The following FBXO36 variants were observed in gnomAD, a reference collection of about 807,000 sequenced individuals.
The protein encoded by FBXO36 is F-box protein 36, also known as F-box only protein 36.
Under a neutral mutation model 17.0 loss-of-function variants are expected in FBXO36, and 18 were observed. That is an observed-to-expected ratio of 1.06 (90% CI 0.73 to 1.57). The LOEUF is 1.57. FBXO36 is among the 40% of genes most tolerant of loss of function. The pLI, the probability that FBXO36 is intolerant of heterozygous loss-of-function variation, is 0.00. For missense variants in FBXO36, 229 were observed against 221.9 expected (o/e 1.03, Z -0.20); for synonymous variants, 83 against 85.3 (o/e 0.97, Z 0.15).
At chr2:230,003,451 G>A (rs561973363) in intron 3 of FBXO36, among the ~76,000 whole-genome samples, 10 of 151,768 alleles carry the variant, frequency 6.6e-5, no homozygotes, top group Non-Finnish European at 1.0e-4. Context: ...TTTTCCCCTC[G>A]GTCCATGCCT....
At chr2:230,010,614 C>A in intron 3 of FBXO36, 82 bp from the exon 4 acceptor site, 1 of 1,289,908 alleles carries the variant, frequency 7.8e-7, no homozygotes, top group Non-Finnish European at 1.1e-6. Context: ...AGTGTTTCTC[C>A]AGTGTCCCAC....
chr2:229,932,549 G>A (rs567649045), intron 1 of FBXO36, among the ~76,000 whole-genome samples: 94 of 151,958 alleles, frequency 6.2e-4, no homozygotes, highest in Non-Finnish European at 9.6e-4. Context: ...ATATGGTGGC[G>A]CACTTGTAAT....
At chr2:229,972,287 C>T (rs1265874054) in intron 1 of FBXO36, among the ~76,000 whole-genome samples, 1 of 152,092 alleles carries the variant, frequency 6.6e-6, no homozygotes, top group Non-Finnish European at 1.5e-5. Flanking sequence ...CATGAGCCAC[C>T]GTGCCCGGCC....
At chr2:229,945,860 G>GA (rs2077024260) in intron 1 of FBXO36, among the ~76,000 whole-genome samples, 1 of 151,298 alleles carries the variant, frequency 6.6e-6, no homozygotes, top group African/African-American at 2.4e-5. Context: ...CTGTCTCTAC[G>GA]AAAAATACAA....
At chr2:229,944,001 C>G (rs1230763868) in intron 1 of FBXO36, among the ~76,000 whole-genome samples, 1 of 152,150 alleles carries the variant, frequency 6.6e-6, no homozygotes, top group East Asian at 1.9e-4. Flanking sequence ...CCTCCCCCTT[C>G]TCTCTGTCTT....
intron 2 of FBXO36, among the ~76,000 whole-genome samples, chr2:229,981,655 T>C (rs1427644443): frequency 6.9e-6 from 1 of 144,204 alleles, no homozygotes; most frequent in African/African-American, 2.6e-5. Flanking sequence ...TGCGCTGTGA[T>C]TGTGCCACTA....
At chr2:229,926,125 TAAAAAA>T (rs34162848) in intron 1 of FBXO36, among the ~76,000 whole-genome samples, 2 of 103,454 alleles carry the variant, frequency 1.9e-5, no homozygotes, top group East Asian at 5.7e-4. Context: ...CCCCTTCTCT[TAAAAAA>T]AAAAAAAAAA....
chr2:229,955,714 T>C (rs1299800176), intron 1 of FBXO36, among the ~76,000 whole-genome samples: 2 of 152,170 alleles, frequency 1.3e-5, no homozygotes, highest in Non-Finnish European at 2.9e-5. Context: ...TCCTATCAAA[T>C]TTAAGTACAA....
intron 2 of FBXO36, among the ~76,000 whole-genome samples, chr2:229,984,019 T>A (rs1299388692): frequency 6.6e-6 from 1 of 152,232 alleles, no homozygotes; most frequent in Non-Finnish European, 1.5e-5. Context: ...TCATTTGTAT[T>A]TGAATTCTTT....
At chr2:229,962,545 T>TTTATC (rs1288670867) in intron 1 of FBXO36, among the ~76,000 whole-genome samples, 1 of 150,378 alleles carries the variant, frequency 6.6e-6, no homozygotes, top group African/African-American at 2.5e-5. Flanking sequence ...TTTATTTTAT[T>TTTATC]TTATTGTAGA....
chr2:229,995,153 A>C (rs1341859154), intron 2 of FBXO36, among the ~76,000 whole-genome samples: 2 of 152,200 alleles, frequency 1.3e-5, no homozygotes, highest in African/African-American at 2.4e-5. Flanking sequence ...ATATTTAAAA[A>C]AATTACACTG....
At chr2:229,940,223 A>T (rs1263865519) in intron 1 of FBXO36, among the ~76,000 whole-genome samples, 1 of 152,186 alleles carries the variant, frequency 6.6e-6, no homozygotes, top group Non-Finnish European at 1.5e-5. Flanking sequence ...TATATAAGTG[A>T]AATAATTATT....
intron 2 of FBXO36, among the ~76,000 whole-genome samples, chr2:229,979,350 G>GTATATA (rs553270363): frequency 6.7e-5 from 10 of 148,852 alleles, no homozygotes; most frequent in African/African-American, 2.5e-4. Context: ...TAGTGTGTGT[G>GTATATA]TATATATATA....
At chr2:230,005,644 ACATTCATTCATT>A (rs539011554) in intron 3 of FBXO36, among the ~76,000 whole-genome samples, 1 of 152,218 alleles carries the variant, frequency 6.6e-6, no homozygotes. Context: ...ACAGACTATA[ACATTCATTCATT>A]CATTCATTTA....
In FBXO36 at chr2:230,010,709, A is replaced by G; in HGVS notation, c.392A>G (p.Asp131Gly). The change falls in exon 4 of 4, where the codon GAT becomes GGT. Residue 131 changes from aspartate to glycine, a missense_variant. Transcript: ENST00000283946. ...SHRFAKLCMS[D>G]KLWEQIVQST... ...TCCCACCCACAGCTGTGCATGTCTG[A>G]TAAACTGTGGGAACAGATAGTCCAG... 1 of 1,611,134 alleles carries G rather than the reference A, an allele frequency of 6.2e-7. No individual in the cohort carries two copies. The highest frequency in any genetic ancestry group is 1.1e-5 in the South Asian group (1 of 90,860).
At chr2:229,965,113 T>G (rs552143151) in intron 1 of FBXO36, among the ~76,000 whole-genome samples, 29 of 151,702 alleles carry the variant, frequency 1.9e-4, no homozygotes, top group Middle Eastern at 3.4e-3. Flanking sequence ...TATGGTCTGA[T>G]TTTTTAATAC....
chr2:229,936,496 AAGAT>A (rs1560431450), intron 1 of FBXO36, among the ~76,000 whole-genome samples: 1 of 152,172 alleles, frequency 6.6e-6, no homozygotes, highest in Admixed American at 6.6e-5. Context: ...GCATTTTATA[AAGAT>A]AGATTGTTTT....
In FBXO36 at chr2:230,011,598, C is replaced by CTTTTTTTTTTTTT. The variant is rs5839351; in HGVS notation, c.*719_*731dup. On this transcript the variant is annotated 3_prime_UTR_variant, in exon 4 of 4. Transcript: ENST00000283946. ...AACCTATAAACATTTCTTTTCTTTT[C>CTTTTTTTTTTTTT]TTTTTTTTTTTTTTTTTGTATTTTC... 30 of 123,436 alleles carry CTTTTTTTTTTTTT rather than the reference C, an allele frequency of 2.4e-4. No individual in the cohort carries two copies. Among genetic ancestry groups the CTTTTTTTTTTTTT allele is most frequent in the Admixed American group, 3.7e-4 (4 of 10,812 alleles). The allele number at this position is 123,436 out of a possible 1,614,324, so 7.6% of individuals were successfully genotyped here.
At chr2:230,005,868 A>G (rs902388623) in intron 3 of FBXO36, among the ~76,000 whole-genome samples, 1 of 151,950 alleles carries the variant, frequency 6.6e-6, no homozygotes, top group African/African-American at 2.4e-5. Flanking sequence ...GGGTTTCACC[A>G]TTTTGGCCAG....
Sources: allele counts gnomAD v4.1 joint callset (sites outside exome capture counted in the v4.1 genomes callset), GRCh38; gene constraint gnomAD v4.1.1; transcripts MANE v1.5; gene names NCBI Gene and HGNC (gene_info 2026-07-23, HGNC 2026-07-21).